VWA5B1: variants seen among roughly 807,000 people sequenced by gnomAD.
The protein encoded by VWA5B1 is von Willebrand factor A domain containing 5B1, also known as von Willebrand factor A domain-containing protein 5B1.
Under a neutral mutation model 118.2 loss-of-function variants are expected in VWA5B1, and 115 were observed. The observed-to-expected ratio is 0.97, with a 90% confidence interval of 0.84 to 1.14. The LOEUF (loss-of-function observed/expected upper bound fraction) is 1.14. Among genes scored for constraint, VWA5B1 ranks in the 50% most tolerant of loss-of-function variants. VWA5B1 has a pLI of 0.00. For synonymous variants in VWA5B1, 682 were observed against 658.4 expected (o/e 1.04, Z -0.55); for missense variants, 1,596 against 1,603.8 (o/e 1.00, Z 0.08).
At chr1:20,319,548 G>C (rs1301144642) in intron 7 of VWA5B1, 42 bp downstream of exon 7, 8 of 1,548,868 alleles carry the variant, frequency 5.2e-6, no homozygotes, top group Non-Finnish European at 4.4e-6. Flanking sequence ...GGCAGAGTTG[G>C]GGTGGCGCTG....
chr1:20,291,569 A>G (rs1250686276), intron 1 of VWA5B1, among the ~76,000 whole-genome samples: 1 of 150,952 alleles, frequency 6.6e-6, no homozygotes, highest in African/African-American at 2.4e-5. Context: ...CGTCCCTGCC[A>G]CCTGTTTCCA....
At chr1:20,332,473 C>T (rs964107722) in intron 11 of VWA5B1, among the ~76,000 whole-genome samples, 3 of 91,776 alleles carry the variant, frequency 3.3e-5, no homozygotes, top group Non-Finnish European at 5.3e-5. Flanking sequence ...GAGCCAGACT[C>T]TGTCTCAAAA....
rs2090051458 is a variant in VWA5B1, at chr1:20,348,315, A to G, written c.2835A>G (p.Gly945=). The G allele has an allele frequency of 6.4e-7, 1 of 1,551,438 alleles. No individual in the cohort carries two copies. The highest frequency in any genetic ancestry group is 8.7e-7 in the Non-Finnish European group (1 of 1,146,992). Residue 945 remains glycine, a synonymous_variant, in exon 18 of 22, where the codon GGA becomes GGG. Coordinates refer to ENST00000289815, the MANE Select transcript of VWA5B1 (RefSeq NM_001039500.3). ...QQWRGTSSGF[G]RPQTMLGEDS... ...GGAGGGGCACCTCTTCTGGCTTTGG[A>G]AGGCCGCAGACGATGCTTGGAGAAG...
chr1:20,293,857 AT>A (rs893418383), intron 1 of VWA5B1, among the ~76,000 whole-genome samples: 24 of 152,056 alleles, frequency 1.6e-4, no homozygotes, highest in African/African-American at 5.8e-4. Flanking sequence ...TAGAGTGGGG[AT>A]TTGGAGGAAG....
At chr1:20,352,343 A>C (rs1333584684) in intron 21 of VWA5B1, among the ~76,000 whole-genome samples, 171 bp downstream of exon 21, 1 of 152,130 alleles carries the variant, frequency 6.6e-6, no homozygotes, top group Non-Finnish European at 1.5e-5. Context: ...CCAAGTAGTT[A>C]GCAGGGCAGA....
chr1:20,349,969 C>T (rs1354870226), intron 18 of VWA5B1, among the ~76,000 whole-genome samples, 187 bp from the exon 19 acceptor site: 3 of 152,086 alleles, frequency 2.0e-5, no homozygotes, highest in Non-Finnish European at 1.5e-5. Flanking sequence ...CCAGGCCTGT[C>T]TAACCTTATG....
rs1166413430 is a variant in VWA5B1, at chr1:20,343,255, G to C, written c.2488G>C (p.Glu830Gln). The C allele has an allele frequency of 7.1e-6, 11 of 1,548,668 alleles. No individual in the cohort carries two copies. The highest frequency in any genetic ancestry group is 8.7e-6 in the Non-Finnish European group (10 of 1,146,788). The change falls in exon 16 of 22, where the codon GAG becomes CAG. Residue 830 changes from glutamate (E) to glutamine (Q), a missense_variant. Physicochemically the swap from Glu to Gln is conservative, Grantham distance 29. Transcript: ENST00000289815. Reference protein sequence around the residue: ...SQRLQWEVSFELGTPGPERGG... With the variant: ...SQRLQWEVSFQLGTPGPERGG... ...ACGCCTGCAGTGGGAGGTGAGCTTC[G>C]AGCTGGGGACCCCTGGACCGGAGCG...
intron 8 of VWA5B1, among the ~76,000 whole-genome samples, chr1:20,326,937 G>C (rs926897964): frequency 4.6e-5 from 7 of 151,990 alleles, no homozygotes; most frequent in Non-Finnish European, 7.4e-5. Flanking sequence ...GGCTCAGAGG[G>C]GTGACATAAC....
intron 1 of VWA5B1, among the ~76,000 whole-genome samples, chr1:20,292,443 A>G (rs1300534848): frequency 6.6e-6 from 1 of 152,186 alleles, no homozygotes; most frequent in Non-Finnish European, 1.5e-5. Flanking sequence ...GCATGCAGGC[A>G]TATGCTCTGG....
intron 10 of VWA5B1, 101 bp downstream of exon 10, chr1:20,330,483 G>A: frequency 7.4e-7 from 1 of 1,359,780 alleles, no homozygotes. Context: ...GGAGAGGATA[G>A]GACCCACAAT....
intron 9 of VWA5B1, among the ~76,000 whole-genome samples, chr1:20,328,989 G>A (rs965218685): frequency 6.6e-6 from 1 of 152,114 alleles, no homozygotes; most frequent in African/African-American, 2.4e-5. Flanking sequence ...CTTTTCTAAC[G>A]CAGCAGTCTA....
At chr1:20,319,645 G>T in intron 7 of VWA5B1, 139 bp downstream of exon 7, 1 of 1,328,418 alleles carries the variant, frequency 7.5e-7, no homozygotes. Context: ...CAGGCAAGAA[G>T]TGTTTCCTTC....
chr1:20,298,270 A>G (rs2088444369), intron 1 of VWA5B1, among the ~76,000 whole-genome samples: 1 of 151,412 alleles, frequency 6.6e-6, no homozygotes, highest in African/African-American at 2.4e-5. Flanking sequence ...AGCTTCCCAA[A>G]TGGTAGGATT....
intron 9 of VWA5B1, among the ~76,000 whole-genome samples, chr1:20,328,345 C>T (rs919814222): frequency 2.6e-5 from 4 of 152,044 alleles, no homozygotes; most frequent in African/African-American, 7.2e-5. Context: ...GGATGATGGA[C>T]GCATGCAAGG....
Position 20,317,688 on chromosome 1 carries a change from C to T in VWA5B1, c.709+13C>T. On this transcript the variant is annotated intron_variant, in intron 5 of 21. Coordinates refer to ENST00000289815, the MANE Select transcript of VWA5B1 (RefSeq NM_001039500.3). Reference sequence around the variant, plus strand: ...TGTCTGCTCGCAGGTGAGAGGGAGACATCCAGACGGGATGGGTGAGCTTCA... The same window carrying T: ...TGTCTGCTCGCAGGTGAGAGGGAGATATCCAGACGGGATGGGTGAGCTTCA... The T allele has an allele frequency of 6.5e-7, 1 of 1,547,904 alleles. No homozygotes were observed. The highest frequency in any genetic ancestry group is 8.7e-7 in the Non-Finnish European group (1 of 1,144,992).
chr1:20,310,830 C>A, intron 2 of VWA5B1, 90 bp downstream of exon 2: 2 of 1,405,744 alleles, frequency 1.4e-6, no homozygotes, highest in Non-Finnish European at 1.9e-6. Context: ...TGACCTTAGG[C>A]AAGTCATGCC....
chr1:20,317,751 TG>T, intron 5 of VWA5B1, 76 bp downstream of exon 5: 1 of 584,612 alleles, frequency 1.7e-6, no homozygotes. Flanking sequence ...GGGACGGGGG[TG>T]GGAAGGAAAG....
intron 8 of VWA5B1, among the ~76,000 whole-genome samples, chr1:20,326,366 A>G (rs1261701538): frequency 6.6e-6 from 1 of 151,780 alleles, no homozygotes; most frequent in Non-Finnish European, 1.5e-5. Flanking sequence ...CTATCAATAA[A>G]CAAGATGGGG....
chr1:20,323,239 T>C lies in VWA5B1; in HGVS notation c.967-117T>C, dbSNP rs1471998134. 3.9e-6 allele frequency: 4 copies of C among 1,037,376 alleles called. No homozygotes were observed. The African/African-American group carries it at 6.7e-5, about 17-fold the overall frequency. The allele number at this position is 1,037,376 out of a possible 1,614,324, so 64.3% of individuals were successfully genotyped here. A position where few individuals can be genotyped will look rare whatever the true frequency, so the allele number is the denominator to read the frequency against. ...GCTGAGCACAGTCAGCCCGGAAGTC[T>C]TCCATGCAGAGCCTGAGCAGGATGT... is the stretch of plus-strand genomic sequence containing the variant. On this transcript the variant is annotated intron_variant, in intron 7 of 21. Coordinates refer to ENST00000289815, the MANE Select transcript of VWA5B1 (RefSeq NM_001039500.3).
Sources: allele counts gnomAD v4.1 joint callset (sites outside exome capture counted in the v4.1 genomes callset), GRCh38; gene constraint gnomAD v4.1.1; transcripts MANE v1.5; gene names NCBI Gene and HGNC (gene_info 2026-07-23, HGNC 2026-07-21).